Variants in CCDC158 observed in about 807,000 individuals in gnomAD.
The protein encoded by CCDC158 is coiled-coil domain-containing protein 158.
In CCDC158, 116 loss-of-function variants were observed where a neutral mutation model predicts 138.6. The observed-to-expected ratio is 0.84, with a 90% confidence interval of 0.72 to 0.98. CCDC158 has a LOEUF of 0.98. Ranked by LOEUF, CCDC158 falls within the 50% of genes least tolerant of loss-of-function variation. The pLI, the probability that CCDC158 is intolerant of heterozygous loss-of-function variation, is 0.00. For synonymous variants in CCDC158, 436 were observed against 442.4 expected (o/e 0.99, Z 0.18); for missense variants, 1,265 against 1,306.1 (o/e 0.97, Z 0.48).
chr4:76,362,060 G>T, intron 13 of CCDC158, 66 bp downstream of exon 13: 2 of 1,315,428 alleles, frequency 1.5e-6, no homozygotes, highest in South Asian at 2.6e-5. Flanking sequence ...AATTGTGCTA[G>T]GGTCTACATT....
At chr4:76,323,905 C>T (rs1168591298) in intron 23 of CCDC158, among the ~76,000 whole-genome samples, 1 of 152,144 alleles carries the variant, frequency 6.6e-6, no homozygotes, top group Non-Finnish European at 1.5e-5. Context: ...TGGATGCCAA[C>T]ATGATCACAC....
chr4:76,415,839 C>T (rs1828535), intron 1 of CCDC158, among the ~76,000 whole-genome samples: 4,464 of 152,160 alleles, frequency 0.029, 220 homozygotes, highest in African/African-American at 0.1. Context: ...CTAGTGGTAG[C>T]GTCAGTGTCA....
At position 76,362,222 on chromosome 4, in the gene CCDC158, A is replaced by G; in HGVS notation, c.1924T>C (p.Ser642Pro). The change falls in exon 13 of 25, where the codon TCT (serine) becomes CCT (proline). Residue 642 changes from serine to proline, a missense_variant. Coordinates refer to ENST00000682701, the MANE Select transcript of CCDC158 (RefSeq NM_001394954.1). The stretch of plus-strand genomic sequence containing the variant: ...TCCTTCACTGCACGGAGCCGCTCAG[A>G]GCCTGCATTCACCAGCTTCACCTTT... The part of the protein sequence containing the change: ...LEKVKLVNAG[S>P]ERLRAVKDIK... 6.2e-7 allele frequency: 1 copy of G among 1,614,194 alleles called. No homozygotes were observed. The highest frequency in any genetic ancestry group is 8.5e-7 in the Non-Finnish European group (1 of 1,180,014).
At chr4:76,352,849 A>T in intron 16 of CCDC158, 1 of 289,530 alleles carries the variant, frequency 3.5e-6, no homozygotes, top group Non-Finnish European at 6.3e-6. Flanking sequence ...CACTATGGAT[A>T]TCAGGAACAT....
chr4:76,377,475 T>G (rs1209863360), intron 9 of CCDC158, among the ~76,000 whole-genome samples: 4 of 152,190 alleles, frequency 2.6e-5, no homozygotes, highest in African/African-American at 9.7e-5. Flanking sequence ...CTACCTCCAC[T>G]AGACCCAAGT....
At chr4:76,327,083 T>A (rs907081248) in intron 22 of CCDC158, among the ~76,000 whole-genome samples, 4 of 152,136 alleles carry the variant, frequency 2.6e-5, no homozygotes, top group African/African-American at 9.6e-5. Context: ...TCTAAGGTAC[T>A]GCCAATGTAT....
chr4:76,351,156 C>A (rs745389257), intron 17 of CCDC158, 35 bp from the exon 18 acceptor site: 24 of 1,566,122 alleles, frequency 1.5e-5, no homozygotes, highest in Non-Finnish European at 2.1e-5. Flanking sequence ...AAAATAACTG[C>A]CAGCCTACAA....
At chr4:76,387,690 G>A (rs1012959434) in intron 4 of CCDC158, among the ~76,000 whole-genome samples, 5 of 152,042 alleles carry the variant, frequency 3.3e-5, no homozygotes, top group Admixed American at 1.3e-4. Flanking sequence ...GGGCGTGGTG[G>A]TGCGCGCCTG....
chr4:76,405,093 G>A (rs1728711012), intron 2 of CCDC158, among the ~76,000 whole-genome samples: 1 of 152,120 alleles, frequency 6.6e-6, no homozygotes, highest in Non-Finnish European at 1.5e-5. Context: ...ACATACACTA[G>A]TAATACAATA....
At chr4:76,338,419 G>C (rs1433452279) in intron 18 of CCDC158, among the ~76,000 whole-genome samples, 1 of 152,196 alleles carries the variant, frequency 6.6e-6, no homozygotes, top group African/African-American at 2.4e-5. Context: ...GCCTGAGGCA[G>C]AAGAATCGCT....
chr4:76,413,049 G>A (rs1333256462), intron 1 of CCDC158, among the ~76,000 whole-genome samples: 1 of 152,074 alleles, frequency 6.6e-6, no homozygotes, highest in Non-Finnish European at 1.5e-5. Context: ...CATCACTTGT[G>A]CTTGGTTAGA....
chr4:76,351,225 TGAGA>T lies in CCDC158; in HGVS notation c.2539-108_2539-105del, dbSNP rs1329867172. ...TGATTTCACAGGCAAAATCCATTAT[TGAGA>T]TTTTAAAATATGTCTGTAGCTTTAA... On this transcript the variant is annotated intron_variant, in intron 17 of 24. Transcript: ENST00000682701. The T allele has an allele frequency of 2.7e-6, 3 of 1,094,030 alleles. No homozygotes were observed. In the African/African-American group the frequency reaches 4.8e-5, roughly 17 times the overall value. The allele number at this position is 1,094,030 out of a possible 1,614,324, so 67.8% of individuals were successfully genotyped here. A position where few individuals can be genotyped will look rare whatever the true frequency, so the allele number is the denominator to read the frequency against.
At chr4:76,417,127 G>A (rs1273744491) in intron 1 of CCDC158, among the ~76,000 whole-genome samples, 3 of 152,246 alleles carry the variant, frequency 2.0e-5, no homozygotes, top group African/African-American at 4.8e-5. Context: ...TGACCTTGAT[G>A]TGAGACATGG....
At chr4:76,395,611 C>T (rs781357690) in intron 4 of CCDC158, among the ~76,000 whole-genome samples, 1 of 151,928 alleles carries the variant, frequency 6.6e-6, no homozygotes, top group African/African-American at 2.4e-5. Flanking sequence ...TCTGGAATAG[C>T]GCAGTATATC....
chr4:76,384,004 A>C, intron 6 of CCDC158, 84 bp downstream of exon 6: 1 of 1,052,424 alleles, frequency 9.5e-7, no homozygotes, highest in Non-Finnish European at 1.3e-6. Flanking sequence ...GCTTATTTTA[A>C]GAATTTTAAA....
At chr4:76,347,860 G>T (rs549893156) in intron 18 of CCDC158, among the ~76,000 whole-genome samples, 25 of 152,130 alleles carry the variant, frequency 1.6e-4, no homozygotes, top group African/African-American at 4.8e-4. Context: ...ATCGACACAG[G>T]CTCGGAGGGG....
intron 19 of CCDC158, 111 bp from the exon 20 acceptor site, chr4:76,332,602 T>C (rs775445412): frequency 8.3e-5 from 69 of 827,286 alleles, no homozygotes; most frequent in Non-Finnish European, 1.2e-4. Flanking sequence ...TAGTGACAGC[T>C]GTAGATTTTA....
chr4:76,398,352 C>T (rs1470531003), intron 3 of CCDC158, among the ~76,000 whole-genome samples: 3 of 152,112 alleles, frequency 2.0e-5, no homozygotes, highest in South Asian at 4.1e-4. Flanking sequence ...ATTATGTGTT[C>T]CCTGGTGTAG....
At chr4:76,391,641 C>T (rs1269691420) in intron 4 of CCDC158, among the ~76,000 whole-genome samples, 32 of 151,318 alleles carry the variant, frequency 2.1e-4, no homozygotes. Flanking sequence ...CAAGAGCAAA[C>T]TGAACCCAAA....
Sources: gnomAD v4.1 joint callset for allele counts (sites outside exome capture counted in the v4.1 genomes callset) on GRCh38, gnomAD v4.1.1 for gene constraint, MANE v1.5 for transcripts, NCBI Gene and HGNC (gene_info 2026-07-23, HGNC 2026-07-21) for gene names.